DYNC2H1: variants seen among roughly 807,000 people sequenced by gnomAD.
The protein encoded by DYNC2H1 is dynein cytoplasmic 2 heavy chain 1, also known as cytoplasmic dynein 2 heavy chain 1.
A neutral mutation model predicts 570.0 loss-of-function variants in DYNC2H1; 410 were observed. That is an observed-to-expected ratio of 0.72 (90% CI 0.66 to 0.78). DYNC2H1 has a LOEUF of 0.78. Ranked by LOEUF, DYNC2H1 falls within the 30% of genes least tolerant of loss-of-function variation. The pLI, the probability that DYNC2H1 is intolerant of heterozygous loss-of-function variation, is 0.00. For missense variants in DYNC2H1, 4,865 were observed against 5,046.4 expected (o/e 0.96, Z 1.09); for synonymous variants, 1,688 against 1,677.6 (o/e 1.01, Z -0.15).
intron 25 of DYNC2H1, 56 bp downstream of exon 25, chr11:103,155,557 T>G: frequency 6.7e-7 from 1 of 1,496,834 alleles, no homozygotes; most frequent in African/African-American, 1.4e-5. Context: ...ATATACAATA[T>G]TGCTTCATAT....
intron 37 of DYNC2H1, among the ~76,000 whole-genome samples, chr11:103,176,775 G>T (rs1039146020): frequency 1.3e-5 from 2 of 151,332 alleles, no homozygotes; most frequent in Admixed American, 1.3e-4. Flanking sequence ...GTGTGATCTC[G>T]GCCCACAGCA....
At chr11:103,235,646 C>A in intron 61 of DYNC2H1, 26 bp from the exon 62 acceptor site, 1 of 1,589,388 alleles carries the variant, frequency 6.3e-7, no homozygotes, top group East Asian at 2.3e-5. Context: ...ATATATCTCC[C>A]TCTTTCTTCT....
chr11:103,308,747 A>G (rs1288086549), intron 78 of DYNC2H1, among the ~76,000 whole-genome samples: 1 of 152,146 alleles, frequency 6.6e-6, no homozygotes, highest in Non-Finnish European at 1.5e-5. Flanking sequence ...GTAATGAGTA[A>G]CGTTGAGCAT....
Position 103,170,217 on chromosome 11 carries a change from C to A in DYNC2H1, c.5078C>A (p.Thr1693Asn). The change falls in exon 33 of 89, where the codon ACT (threonine) becomes AAT (asparagine). Residue 1693 changes from threonine to asparagine, a missense_variant. By Grantham distance (65) the Thr-to-Asn change is moderately conservative (BLOSUM62 0). Coordinates refer to ENST00000375735, the MANE Select transcript of DYNC2H1 (RefSeq NM_001377.3). The surrounding 1 kb of genome is among the most constrained non-coding windows in gnomAD (Gnocchi z 4.8). The stretch of plus-strand genomic sequence containing the variant: ...GGAAATCCTTATGGACCAGCTGGAA[C>A]TGGGAAAACGGAATCAGTAAAGGCT... The part of the protein sequence containing the change: ...LGGNPYGPAG[T>N]GKTESVKALG... The A allele has an allele frequency of 6.2e-7, 1 of 1,612,510 alleles. No homozygotes were observed. The highest frequency in any genetic ancestry group is 8.5e-7 in the Non-Finnish European group (1 of 1,179,226).
chr11:103,377,810 C>T (rs1394973770), intron 83 of DYNC2H1, among the ~76,000 whole-genome samples: 1 of 152,216 alleles, frequency 6.6e-6, no homozygotes, highest in African/African-American at 2.4e-5. Flanking sequence ...AATCTCTGCT[C>T]ATTATATCCT....
At chr11:103,302,634 ATGAGAAATC>A (rs1288378732) in intron 75 of DYNC2H1, among the ~76,000 whole-genome samples, 1 of 152,110 alleles carries the variant, frequency 6.6e-6, no homozygotes, top group Non-Finnish European at 1.5e-5. Flanking sequence ...TACTCAGATC[ATGAGAAATC>A]TGATTCCCCA....
At chr11:103,379,573 C>T (rs896566532) in intron 83 of DYNC2H1, among the ~76,000 whole-genome samples, 1 of 152,182 alleles carries the variant, frequency 6.6e-6, no homozygotes, top group Admixed American at 6.5e-5. Context: ...AATTTTGACT[C>T]TTACTTCCTT....
At position 103,468,663 on chromosome 11, in the gene DYNC2H1, C is replaced by CGT; in HGVS notation, c.12726_12727dup (p.Ser4243CysfsTer63). ...CTGAAAATCAGCTTGATTCTCCCAGCGTGTCATCAGTGCTCCCTTGTTTTA... is the reference window on the plus strand; with the variant it reads ...CTGAAAATCAGCTTGATTCTCCCAGCGTGTGTCATCAGTGCTCCCTTGTTTTA... On this transcript the variant is annotated frameshift_variant, in exon 88 of 89. Transcript: ENST00000375735. LOFTEE classifies it high-confidence loss of function. 1 of 1,613,648 alleles carries CGT rather than the reference C, an allele frequency of 6.2e-7. No homozygotes were observed. Among genetic ancestry groups the CGT allele is most frequent in the Non-Finnish European group, 8.5e-7 (1 of 1,179,682 alleles).
chr11:103,377,454 A>G (rs1250738237), intron 83 of DYNC2H1, among the ~76,000 whole-genome samples: 1 of 152,052 alleles, frequency 6.6e-6, no homozygotes, highest in Non-Finnish European at 1.5e-5. Flanking sequence ...ATCATATAAG[A>G]GAGATTAGAC....
intron 55 of DYNC2H1, among the ~76,000 whole-genome samples, chr11:103,216,576 A>G (rs1300359768): frequency 1.3e-5 from 2 of 152,114 alleles, no homozygotes; most frequent in Non-Finnish European, 2.9e-5. Flanking sequence ...AGATTGCTTG[A>G]GCCCATGAGT....
At chr11:103,458,373 T>C (rs1177685409) in intron 87 of DYNC2H1, among the ~76,000 whole-genome samples, 1 of 152,168 alleles carries the variant, frequency 6.6e-6, no homozygotes. Flanking sequence ...CACTCTCATG[T>C]TCACACAGTG....
intron 52 of DYNC2H1, among the ~76,000 whole-genome samples, chr11:103,208,955 A>G (rs940857861): frequency 7.2e-5 from 11 of 152,162 alleles, no homozygotes; most frequent in African/African-American, 2.7e-4. Flanking sequence ...GAGTTCCCAA[A>G]GAAACAAATT....
intron 79 of DYNC2H1, among the ~76,000 whole-genome samples, chr11:103,315,340 C>T (rs1937764700): frequency 6.6e-6 from 1 of 151,996 alleles, no homozygotes; most frequent in African/African-American, 2.4e-5. Context: ...TATAGCAGTC[C>T]AAAACTTATG....
intron 82 of DYNC2H1, among the ~76,000 whole-genome samples, chr11:103,336,888 T>A (rs957026711): frequency 2.6e-5 from 4 of 152,162 alleles, no homozygotes; most frequent in African/African-American, 9.7e-5. Flanking sequence ...CTGATTTCCT[T>A]TTTTTTGGAT....
rs543638934 is a variant in DYNC2H1, at chr11:103,378,002, A to G, written c.12156+19643A>G. ...TCCTCCAGCCTTGGCCTCCCAAAGCAATGGGATTACAGGTGTGAGCTACCA... is the reference window on the plus strand; with the variant it reads ...TCCTCCAGCCTTGGCCTCCCAAAGCGATGGGATTACAGGTGTGAGCTACCA... On this transcript the variant is annotated intron_variant, in intron 83 of 88. Coordinates refer to ENST00000375735, the MANE Select transcript of DYNC2H1 (RefSeq NM_001377.3). Among the ~76,000 whole-genome samples the G allele has an allele frequency of 2.1e-4, 32 of 152,324 alleles. No individual in the cohort carries two copies. The South Asian group carries it at 4.3e-3, about 21-fold the overall frequency.
In DYNC2H1 at chr11:103,217,665, T is replaced by C. The variant is rs140060531; in HGVS notation, c.8832+1807T>C. On this transcript the variant is annotated intron_variant, in intron 55 of 88. Coordinates refer to ENST00000375735, the MANE Select transcript of DYNC2H1 (RefSeq NM_001377.3). Reference sequence around the variant, plus strand: ...ACACAGGAGAACATCTTTATGACCTTGGTGAGGCAAAGACTTGTTTGATGT... The same window carrying C: ...ACACAGGAGAACATCTTTATGACCTCGGTGAGGCAAAGACTTGTTTGATGT... 9.7e-3 allele frequency among the ~76,000 whole-genome samples: 1,476 copies of C among 152,220 alleles called. 10 individuals carry two copies. Among genetic ancestry groups the C allele is most frequent in the Non-Finnish European group, 0.013 (870 of 67,996 alleles).
At chr11:103,174,015 C>G (rs529018110) in intron 35 of DYNC2H1, 40 bp from the exon 36 acceptor site, 1 of 1,383,064 alleles carries the variant, frequency 7.2e-7, no homozygotes, top group South Asian at 1.3e-5. Context: ...GTAATTTCTT[C>G]TAGCTATTTG....
At position 103,131,628 on chromosome 11, in the gene DYNC2H1, G is replaced by T. The variant is rs192071914; in HGVS notation, c.1954-1927G>T. On this transcript the variant is annotated intron_variant, in intron 13 of 88. Transcript: ENST00000375735. ...GATTAGGTGTGCTGGTGACAAATTT[G>T]CTTATCTTTCCTTTGTCTGATAATG... 3.3e-4 allele frequency among the ~76,000 whole-genome samples: 50 copies of T among 151,762 alleles called. 1 individual carries two copies. The highest frequency in any genetic ancestry group is 1.2e-3 in the African/African-American group (48 of 41,380).
intron 60 of DYNC2H1, among the ~76,000 whole-genome samples, chr11:103,232,605 A>G (rs1358520342): frequency 6.6e-6 from 1 of 152,032 alleles, no homozygotes; most frequent in Non-Finnish European, 1.5e-5. Context: ...GGCCATGAGT[A>G]ACAGTCTTAT....
Sources: allele counts gnomAD v4.1 joint callset (sites outside exome capture counted in the v4.1 genomes callset), GRCh38; gene constraint gnomAD v4.1.1; non-coding constraint Gnocchi (gnomAD v3.1); transcripts MANE v1.5; gene names NCBI Gene and HGNC (gene_info 2026-07-23, HGNC 2026-07-21).